Variants in LRRC4C observed in about 807,000 individuals in gnomAD.
The protein encoded by LRRC4C is leucine-rich repeat-containing protein 4C.
A neutral mutation model predicts 33.6 loss-of-function variants in LRRC4C; 5 were observed. The observed-to-expected ratio is 0.15, with a 90% CI of 0.08 to 0.31. The LOEUF (loss-of-function observed/expected upper bound fraction) is 0.31, where lower values mean the gene tolerates loss of function less well. Ranked by LOEUF, LRRC4C falls within the 10% of genes least tolerant of loss-of-function variation. The pLI is 1.00. For synonymous variants in LRRC4C, 329 were observed against 302.0 expected, an observed-to-expected ratio of 1.09 and a Z score of -0.93; for missense variants, 560 against 796.7, an observed-to-expected ratio of 0.70 and a Z score of 3.58.
intron 1 of LRRC4C, among the ~76,000 whole-genome samples, chr11:41,112,904 G>A (rs1408778447): frequency 6.6e-6 from 1 of 152,070 alleles, no homozygotes; most frequent in African/African-American, 2.4e-5. Flanking sequence ...AGGTGTGTGT[G>A]TGTGCACGTG....
At chr11:40,508,668 G>T (rs1955157241) in intron 3 of LRRC4C, among the ~76,000 whole-genome samples, 1 of 152,070 alleles carries the variant, frequency 6.6e-6, no homozygotes, top group Non-Finnish European at 1.5e-5. Flanking sequence ...TTGAAACTGG[G>T]AGTTCAATGT....
chr11:40,832,693 T>G (rs1952474080), intron 2 of LRRC4C, among the ~76,000 whole-genome samples: 2 of 152,180 alleles, frequency 1.3e-5, no homozygotes, highest in South Asian at 4.1e-4. Flanking sequence ...TCTTCATGAT[T>G]GGATACATTT....
At chr11:40,429,096 A>C (rs2137826467) in intron 3 of LRRC4C, among the ~76,000 whole-genome samples, 1 of 152,336 alleles carries the variant, frequency 6.6e-6, no homozygotes, top group African/African-American at 2.4e-5. Flanking sequence ...AAGTAGATAT[A>C]GTGATAACAA....
At chr11:40,137,164 G>A (rs1333502345) in intron 6 of LRRC4C, among the ~76,000 whole-genome samples, 3 of 81,530 alleles carry the variant, frequency 3.7e-5, no homozygotes, top group Admixed American at 2.4e-4. Flanking sequence ...ACGTGGGCAC[G>A]TGTGTGTGTG....
rs72885386 is a variant in LRRC4C, at chr11:40,138,877, A to G, written c.-43+1924T>C. Among the ~76,000 whole-genome samples, 774 of 152,346 alleles carry G rather than the reference A, an allele frequency of 5.1e-3. 3 individuals carry two copies. Among genetic ancestry groups the G allele is most frequent in the Non-Finnish European group, 8.4e-3 (572 of 68,030 alleles). On this transcript the variant is annotated intron_variant, in intron 6 of 6. Transcript: ENST00000528697. ...AAGAGCAAGCCACAGCTGGATATGA[A>G]TGTGGATTATGATACACAGAATACA...
intron 1 of LRRC4C, among the ~76,000 whole-genome samples, chr11:41,424,916 AGAAT>A (rs1164585266): frequency 6.6e-6 from 1 of 152,100 alleles, no homozygotes; most frequent in African/African-American, 2.4e-5. Flanking sequence ...AATGATGTTG[AGAAT>A]GAATGAAATG....
intron 2 of LRRC4C, among the ~76,000 whole-genome samples, chr11:40,831,844 C>A (rs1952428653): frequency 6.6e-6 from 1 of 152,102 alleles, no homozygotes; most frequent in Non-Finnish European, 1.5e-5. Flanking sequence ...CCCCATGATT[C>A]AGTTACCTCC....
intron 3 of LRRC4C, among the ~76,000 whole-genome samples, chr11:40,646,406 AT>A (rs1942458351): frequency 6.6e-6 from 1 of 152,118 alleles, no homozygotes; most frequent in African/African-American, 2.4e-5. Flanking sequence ...TTGTTTCTTA[AT>A]TTGGTTTCAG....
chr11:41,184,860 G>A (rs1449879627), intron 1 of LRRC4C, among the ~76,000 whole-genome samples: 1 of 151,874 alleles, frequency 6.6e-6, no homozygotes, highest in Non-Finnish European at 1.5e-5. Context: ...AGTTCCACAT[G>A]GCTGGGGAGG....
At chr11:41,241,443 A>AGTAG (rs1217716046) in intron 1 of LRRC4C, among the ~76,000 whole-genome samples, 3 of 152,120 alleles carry the variant, frequency 2.0e-5, no homozygotes, top group Non-Finnish European at 4.4e-5. Flanking sequence ...TCCAGGTCAA[A>AGTAG]GTAGGTGTAT....
intron 1 of LRRC4C, among the ~76,000 whole-genome samples, chr11:41,180,381 A>C (rs754679099): frequency 6.6e-6 from 1 of 152,192 alleles, no homozygotes; most frequent in Non-Finnish European, 1.5e-5. Flanking sequence ...CTGTGCAAAA[A>C]AAGGCATTGT....
chr11:41,152,761 T>C (rs2135975390), intron 1 of LRRC4C, among the ~76,000 whole-genome samples: 1 of 152,290 alleles, frequency 6.6e-6, no homozygotes, highest in East Asian at 1.9e-4. Context: ...CTGTACAGAA[T>C]TAGAGAAGTG....
chr11:41,193,534 A>G (rs1033510980), intron 1 of LRRC4C, among the ~76,000 whole-genome samples: 2 of 152,146 alleles, frequency 1.3e-5, no homozygotes, highest in East Asian at 3.9e-4. Context: ...TGTTGGAGAA[A>G]CTGTCTCCAG....
At chr11:40,814,949 C>A (rs1951646115) in intron 2 of LRRC4C, among the ~76,000 whole-genome samples, 1 of 152,110 alleles carries the variant, frequency 6.6e-6, no homozygotes, top group African/African-American at 2.4e-5. Context: ...ATTTTTCTGT[C>A]CTCTTCTGAG....
chr11:40,892,066 C>T (rs1282082307), intron 2 of LRRC4C, among the ~76,000 whole-genome samples: 2 of 141,336 alleles, frequency 1.4e-5, no homozygotes, highest in African/African-American at 5.2e-5. Flanking sequence ...ACCCGTGAGG[C>T]GGAGCTTGCA....
intron 2 of LRRC4C, among the ~76,000 whole-genome samples, chr11:40,859,115 G>C (rs1022197093): frequency 6.6e-6 from 1 of 152,116 alleles, no homozygotes; most frequent in African/African-American, 2.4e-5. Context: ...CAAACCACAA[G>C]AAACAACATC....
chr11:40,497,663 T>A (rs1954536382), intron 3 of LRRC4C, among the ~76,000 whole-genome samples: 1 of 152,196 alleles, frequency 6.6e-6, no homozygotes, highest in South Asian at 2.1e-4. Context: ...CATGACAGTG[T>A]AGCTCCCATT....
intron 1 of LRRC4C, among the ~76,000 whole-genome samples, chr11:41,254,570 C>A (rs1251543116): frequency 6.6e-6 from 1 of 151,974 alleles, no homozygotes; most frequent in Admixed American, 6.6e-5. Flanking sequence ...GTGCTCTTAG[C>A]TGGTTACCCA....
At chr11:41,356,527 T>C (rs1952167511) in intron 1 of LRRC4C, among the ~76,000 whole-genome samples, 1 of 152,146 alleles carries the variant, frequency 6.6e-6, no homozygotes, top group South Asian at 2.1e-4. Context: ...CCACCTGATC[T>C]TAAACCTTAG....
Sources: gnomAD v4.1 joint callset for allele counts (sites outside exome capture counted in the v4.1 genomes callset) on GRCh38, gnomAD v4.1.1 for gene constraint, MANE v1.5 for transcripts, NCBI Gene and HGNC (gene_info 2026-07-23, HGNC 2026-07-21) for gene names.